ANKS1B: variants seen among roughly 807,000 people sequenced by gnomAD.
ANKS1B encodes ankyrin repeat and sterile alpha motif domain-containing protein 1B.
In ANKS1B, 36 loss-of-function variants were observed where a neutral mutation model predicts 148.3. The observed-to-expected ratio is 0.24, with a 90% CI of 0.19 to 0.32. The LOEUF (loss-of-function observed/expected upper bound fraction) is 0.32, where lower values mean the gene tolerates loss of function less well. ANKS1B is among the 10% of genes least tolerant of loss of function. The pLI, the probability that ANKS1B is intolerant of heterozygous loss-of-function variation, is 1.00. For missense variants in ANKS1B, 1,157 were observed against 1,542.6 expected, an observed-to-expected ratio of 0.75 and a Z score of 4.19; for synonymous variants, 542 against 560.8, an observed-to-expected ratio of 0.97 and a Z score of 0.47.
intron 12 of ANKS1B, among the ~76,000 whole-genome samples, chr12:99,315,247 A>C (rs960266566): frequency 2.6e-5 from 4 of 151,962 alleles, no homozygotes; most frequent in Non-Finnish European, 5.9e-5. Flanking sequence ...TCAAAAAAAA[A>C]AAAAACAAAA....
At chr12:99,943,638 A>C (rs1013696404) in intron 1 of ANKS1B, among the ~76,000 whole-genome samples, 2 of 152,050 alleles carry the variant, frequency 1.3e-5, no homozygotes, top group African/African-American at 4.8e-5. Flanking sequence ...AGACTTACTC[A>C]CTATCATGAG....
At chr12:99,757,740 T>C (rs2061701586) in intron 8 of ANKS1B, among the ~76,000 whole-genome samples, 1 of 151,900 alleles carries the variant, frequency 6.6e-6, no homozygotes, top group South Asian at 2.1e-4. Context: ...CATATATATA[T>C]ACTGGAATAC....
intron 12 of ANKS1B, among the ~76,000 whole-genome samples, chr12:99,299,965 T>A (rs933279972): frequency 6.6e-6 from 1 of 152,126 alleles, no homozygotes; most frequent in African/African-American, 2.4e-5. Context: ...CAAATCACAT[T>A]GAGTTTGCCT....
intron 10 of ANKS1B, among the ~76,000 whole-genome samples, chr12:99,456,813 G>A (rs2095855228): frequency 6.6e-6 from 1 of 151,976 alleles, no homozygotes. Flanking sequence ...TGTTCCCGAG[G>A]GAGAATAGAA....
At chr12:99,942,595 CA>C (rs1278614693) in intron 1 of ANKS1B, among the ~76,000 whole-genome samples, 1 of 151,876 alleles carries the variant, frequency 6.6e-6, no homozygotes, top group African/African-American at 2.4e-5. Context: ...ACAAAAAAAG[CA>C]ACATTTTTTT....
intron 17 of ANKS1B, among the ~76,000 whole-genome samples, chr12:98,884,525 C>T (rs1172944484): frequency 6.6e-6 from 1 of 152,134 alleles, no homozygotes; most frequent in Admixed American, 6.5e-5. Flanking sequence ...GGGGGCCGGG[C>T]GCGGTGGCTC....
intron 9 of ANKS1B, among the ~76,000 whole-genome samples, chr12:99,642,402 A>G (rs1344413601): frequency 6.6e-6 from 1 of 152,210 alleles, no homozygotes; most frequent in East Asian, 1.9e-4. Flanking sequence ...CCACAAACTT[A>G]GTATTATAGC....
intron 17 of ANKS1B, among the ~76,000 whole-genome samples, chr12:98,850,412 C>T (rs1273225532): frequency 1.4e-5 from 2 of 144,230 alleles, no homozygotes; most frequent in Admixed American, 6.9e-5. Context: ...GAGGCTTATA[C>T]ATTGTTTTCC....
intron 9 of ANKS1B, among the ~76,000 whole-genome samples, chr12:99,544,457 T>A (rs544702143): frequency 6.6e-6 from 1 of 152,296 alleles, no homozygotes; most frequent in East Asian, 1.9e-4. Flanking sequence ...TTTCTTCATG[T>A]ATAAAATCAG....
intron 9 of ANKS1B, among the ~76,000 whole-genome samples, chr12:99,566,178 A>T (rs1328908362): frequency 3.3e-5 from 5 of 152,144 alleles, no homozygotes; most frequent in Non-Finnish European, 7.4e-5. Flanking sequence ...CAGTCACGTA[A>T]TCCTAATCCA....
intron 14 of ANKS1B, among the ~76,000 whole-genome samples, chr12:99,225,496 T>C (rs1161279434): frequency 6.6e-6 from 1 of 152,128 alleles, no homozygotes; most frequent in African/African-American, 2.4e-5. Flanking sequence ...TCCGTGAGGG[T>C]GTTGCCAAAG....
intron 22 of ANKS1B, among the ~76,000 whole-genome samples, chr12:98,792,471 C>G (rs1296666661): frequency 6.6e-6 from 1 of 152,118 alleles, no homozygotes; most frequent in African/African-American, 2.4e-5. Context: ...AAATCCTCTT[C>G]TAGCTATTTT....
chr12:99,396,533 A>G (rs574826623), intron 12 of ANKS1B, among the ~76,000 whole-genome samples: 1 of 152,292 alleles, frequency 6.6e-6, no homozygotes, highest in South Asian at 2.1e-4. Flanking sequence ...AACCATTTCA[A>G]CTGTTAAAAG....
At chr12:99,911,910 T>C (rs56725915) in intron 1 of ANKS1B, among the ~76,000 whole-genome samples, 1 of 152,010 alleles carries the variant, frequency 6.6e-6, no homozygotes, top group Non-Finnish European at 1.5e-5. Context: ...TATCTTAATA[T>C]GACAAACTTG....
chr12:99,291,903 G>A (rs1174197129), intron 12 of ANKS1B, among the ~76,000 whole-genome samples: 1 of 152,144 alleles, frequency 6.6e-6, no homozygotes, highest in Non-Finnish European at 1.5e-5. Context: ...AACAAGAAAT[G>A]GGGAAGGATT....
At chr12:99,338,761 T>A (rs1369847570) in intron 12 of ANKS1B, among the ~76,000 whole-genome samples, 1 of 152,128 alleles carries the variant, frequency 6.6e-6, no homozygotes, top group African/African-American at 2.4e-5. Context: ...CTGGATGATG[T>A]CCTTCCCTTC....
At chr12:99,739,522 T>C (rs1242810209) in intron 8 of ANKS1B, among the ~76,000 whole-genome samples, 1 of 152,116 alleles carries the variant, frequency 6.6e-6, no homozygotes, top group Non-Finnish European at 1.5e-5. Flanking sequence ...TAATCATATA[T>C]GAATAATGAC....
chr12:99,847,621 T>C (rs1490328398), intron 1 of ANKS1B, among the ~76,000 whole-genome samples: 1 of 152,234 alleles, frequency 6.6e-6, no homozygotes, highest in Non-Finnish European at 1.5e-5. Flanking sequence ...CACATTCCTA[T>C]GTGGCCGTCC....
chr12:98,961,738 A>T (rs1475323447), intron 17 of ANKS1B, among the ~76,000 whole-genome samples: 1 of 152,120 alleles, frequency 6.6e-6, no homozygotes, highest in Non-Finnish European at 1.5e-5. Flanking sequence ...AAAGTTAAAA[A>T]GTATGCAGTG....
Sources: allele counts gnomAD v4.1 joint callset (sites outside exome capture counted in the v4.1 genomes callset), GRCh38; gene constraint gnomAD v4.1.1; transcripts MANE v1.5; gene names NCBI Gene and HGNC (gene_info 2026-07-23, HGNC 2026-07-21).